The following DRC8 variants were observed in gnomAD, a reference collection of about 807,000 sequenced individuals.
DRC8 encodes dynein regulatory complex protein 8.
chr1:245,038,057 A>T, the DRC8 span, among the ~76,000 whole-genome samples: 4 of 152,350 alleles, frequency 2.6e-5, no homozygotes, highest in African/African-American at 9.6e-5. Flanking sequence ...TTCTAAATTA[A>T]CTTATTAAGT....
the DRC8 span, among the ~76,000 whole-genome samples, chr1:244,999,494 T>C: frequency 6.6e-6 from 1 of 152,244 alleles, no homozygotes; most frequent in Non-Finnish European, 1.5e-5. Flanking sequence ...CCCCTCATCA[T>C]TAATTAAGCC....
the DRC8 span, among the ~76,000 whole-genome samples, chr1:245,000,830 A>G: frequency 6.6e-6 from 1 of 152,044 alleles, no homozygotes; most frequent in Non-Finnish European, 1.5e-5. Flanking sequence ...AGAGGTGCTC[A>G]ATAAATATTA....
chr1:245,093,441 G>A, the DRC8 span, among the ~76,000 whole-genome samples: 2 of 152,112 alleles, frequency 1.3e-5, no homozygotes, highest in Non-Finnish European at 2.9e-5. Context: ...GCTCATGCCT[G>A]TAATCCCAGC....
At chr1:245,019,603 C>T in the DRC8 span, among the ~76,000 whole-genome samples, 1 of 151,852 alleles carries the variant, frequency 6.6e-6, no homozygotes. Context: ...GAACTCCTGG[C>T]CTCAAGTGAT....
the DRC8 span, among the ~76,000 whole-genome samples, chr1:245,013,459 C>CAAG: frequency 6.6e-6 from 1 of 152,122 alleles, no homozygotes; most frequent in Non-Finnish European, 1.5e-5. Context: ...CTTGCTAGTT[C>CAAG]AACTGTGTTC....
chr1:245,109,465 G>A, the DRC8 span, among the ~76,000 whole-genome samples: 1 of 152,120 alleles, frequency 6.6e-6, no homozygotes, highest in Non-Finnish European at 1.5e-5. Flanking sequence ...TTCACACAAG[G>A]GTTCTGAGGT....
chr1:245,008,473 T>A, the DRC8 span, among the ~76,000 whole-genome samples: 2 of 152,142 alleles, frequency 1.3e-5, no homozygotes, highest in Admixed American at 6.5e-5. Flanking sequence ...TATCAAACTT[T>A]TTGCTTGAAA....
the DRC8 span, among the ~76,000 whole-genome samples, chr1:244,978,715 C>G: frequency 6.6e-6 from 1 of 152,066 alleles, no homozygotes; most frequent in African/African-American, 2.4e-5. Flanking sequence ...GTCTCAAACT[C>G]CTGGCCTCAG....
the DRC8 span, among the ~76,000 whole-genome samples, chr1:245,000,229 C>T: frequency 1.3e-5 from 2 of 152,208 alleles, no homozygotes; most frequent in South Asian, 4.1e-4. Flanking sequence ...TGACTGGTCT[C>T]TCTCTCAAAA....
the DRC8 span, among the ~76,000 whole-genome samples, chr1:245,024,094 C>G: frequency 6.6e-6 from 1 of 152,072 alleles, no homozygotes; most frequent in African/African-American, 2.4e-5. Context: ...CGTTTGAACC[C>G]GGGAGACGGT....
the DRC8 span, among the ~76,000 whole-genome samples, chr1:245,052,538 C>T: frequency 1.3e-5 from 2 of 152,204 alleles, no homozygotes; most frequent in Non-Finnish European, 2.9e-5. Flanking sequence ...CACTCTGTGG[C>T]GGGCAGCTTG....
chr1:245,082,913 TG>T, the DRC8 span, among the ~76,000 whole-genome samples: 6 of 152,120 alleles, frequency 3.9e-5, no homozygotes. Flanking sequence ...TTCACTATGT[TG>T]GCCAGGCTGG....
At chr1:245,115,950 G>A in the DRC8 span, among the ~76,000 whole-genome samples, 96 of 150,942 alleles carry the variant, frequency 6.4e-4, 1 homozygote, top group South Asian at 0.018. Flanking sequence ...GCAGTGGCGT[G>A]ATCTCAGGTC....
the DRC8 span, among the ~76,000 whole-genome samples, chr1:245,011,936 C>T: frequency 6.6e-6 from 1 of 152,168 alleles, no homozygotes; most frequent in East Asian, 1.9e-4. Flanking sequence ...GAAGCTCTGG[C>T]TGGGCGCAGT....
the DRC8 span, among the ~76,000 whole-genome samples, chr1:245,013,189 T>C: frequency 0.022 from 3,416 of 152,130 alleles, 136 homozygotes; most frequent in African/African-American, 0.077. Context: ...CTGTAAATTG[T>C]TGAAGAAAAT....
the DRC8 span, among the ~76,000 whole-genome samples, chr1:245,046,230 A>T: frequency 6.6e-6 from 1 of 151,788 alleles, no homozygotes; most frequent in Non-Finnish European, 1.5e-5. Context: ...TTTTATTTTC[A>T]TCATTAAGCT....
the DRC8 span, among the ~76,000 whole-genome samples, chr1:245,046,570 C>A: frequency 6.6e-6 from 1 of 152,188 alleles, no homozygotes. Context: ...ACCAGAAATA[C>A]GATGCGAGGA....
At chr1:245,032,711 G>T in the DRC8 span, among the ~76,000 whole-genome samples, 2 of 152,186 alleles carry the variant, frequency 1.3e-5, no homozygotes, top group African/African-American at 4.8e-5. Context: ...GTAACTAGTT[G>T]TGTGGTGTTA....
the DRC8 span, chr1:245,044,158 G>A: frequency 6.6e-6 from 1 of 152,158 alleles, no homozygotes; most frequent in South Asian, 2.1e-4. Context: ...ATACTTTGAG[G>A]TTATTTGTGT....
Sources: gnomAD v4.1 joint callset for allele counts (sites outside exome capture counted in the v4.1 genomes callset) on GRCh38, gnomAD v4.1.1 for gene constraint, MANE v1.5 for transcripts, NCBI Gene and HGNC (gene_info 2026-07-23, HGNC 2026-07-21) for gene names.